The following NLGN1 variants were observed in gnomAD, a reference collection of about 807,000 sequenced individuals.
NLGN1 encodes neuroligin-1.
NLGN1 carries 12 observed loss-of-function variants against 65.5 expected under a neutral mutation model. That is an observed-to-expected ratio of 0.18 (90% CI 0.12 to 0.30). The LOEUF is 0.30. NLGN1 is among the 10% of genes least tolerant of loss of function. The probability of loss-of-function intolerance (pLI) is 1.00; values close to 1 mark genes in which losing one functional copy is unlikely to be tolerated. For missense variants in NLGN1, 750 were observed against 1,007.1 expected, an observed-to-expected ratio of 0.74 and a Z score of 3.46; for synonymous variants, 350 against 359.5, an observed-to-expected ratio of 0.97 and a Z score of 0.30.
chr3:173,712,107 A>G (rs555794736), intron 3 of NLGN1, among the ~76,000 whole-genome samples: 12 of 152,192 alleles, frequency 7.9e-5, no homozygotes, highest in Non-Finnish European at 1.5e-4. Context: ...ACATACTTCT[A>G]TGACTGCTTC....
At chr3:173,422,191 T>C (rs1715222407) in intron 1 of NLGN1, among the ~76,000 whole-genome samples, 1 of 151,850 alleles carries the variant, frequency 6.6e-6, no homozygotes, top group Non-Finnish European at 1.5e-5. Context: ...TATTCAGCTA[T>C]AAAAAGAAGG....
At chr3:174,051,172 C>T (rs1029305198) in intron 4 of NLGN1, among the ~76,000 whole-genome samples, 5 of 152,018 alleles carry the variant, frequency 3.3e-5, no homozygotes, top group African/African-American at 1.2e-4. Context: ...GATAAAGTAA[C>T]TGGGACTCAG....
chr3:174,115,848 ATGAAGATGT>A (rs1344324355), intron 4 of NLGN1, among the ~76,000 whole-genome samples: 1 of 152,212 alleles, frequency 6.6e-6, no homozygotes, highest in African/African-American at 2.4e-5. Context: ...TATTTGCTCA[ATGAAGATGT>A]TGAAGTACAT....
At chr3:173,922,451 C>T (rs537400612) in intron 4 of NLGN1, among the ~76,000 whole-genome samples, 2 of 152,088 alleles carry the variant, frequency 1.3e-5, no homozygotes, top group East Asian at 3.9e-4. Flanking sequence ...TCTCATCATG[C>T]ATCTGAACAT....
chr3:173,527,813 G>A (rs942413340), intron 2 of NLGN1, among the ~76,000 whole-genome samples: 5 of 152,130 alleles, frequency 3.3e-5, no homozygotes, highest in African/African-American at 9.7e-5. Flanking sequence ...GAATCTGTAG[G>A]TGTCTTTAGG....
At chr3:174,004,502 A>T (rs1369108499) in intron 4 of NLGN1, among the ~76,000 whole-genome samples, 5 of 152,080 alleles carry the variant, frequency 3.3e-5, no homozygotes, top group Admixed American at 3.3e-4. Flanking sequence ...AACTGACCCA[A>T]ATGGTCAAAC....
intron 3 of NLGN1, among the ~76,000 whole-genome samples, chr3:173,790,224 G>A (rs1712377825): frequency 6.6e-6 from 1 of 151,920 alleles, no homozygotes; most frequent in East Asian, 1.9e-4. Context: ...GTATCCCAGT[G>A]AAGCACTCCT....
At chr3:173,736,702 A>G (rs11921380) in intron 3 of NLGN1, among the ~76,000 whole-genome samples, 16,098 of 152,072 alleles carry the variant, frequency 0.11, 868 homozygotes, top group African/African-American at 0.15. Flanking sequence ...ACAAAATATT[A>G]AAGGTGCTAG....
chr3:173,692,354 T>G (rs1765597631), intron 3 of NLGN1, among the ~76,000 whole-genome samples: 1 of 152,130 alleles, frequency 6.6e-6, no homozygotes, highest in African/African-American at 2.4e-5. Flanking sequence ...AAGAAGTTTT[T>G]ATTCAATTAA....
intron 4 of NLGN1, among the ~76,000 whole-genome samples, chr3:173,865,417 G>A (rs1217802905): frequency 6.6e-6 from 1 of 151,992 alleles, no homozygotes; most frequent in African/African-American, 2.4e-5. Flanking sequence ...GTTCTTACAT[G>A]TACATAATAA....
chr3:173,877,829 T>C lies in NLGN1; in HGVS notation c.646+69997T>C, dbSNP rs538354831. Among the ~76,000 whole-genome samples, 5 of 152,302 alleles carry C rather than the reference T, an allele frequency of 3.3e-5. 1 individual carries two copies. In the East Asian group the frequency reaches 9.6e-4, roughly 29 times the overall value. On this transcript the variant is annotated intron_variant, in intron 4 of 6. Coordinates refer to ENST00000457714, the Ensembl canonical transcript of NLGN1. ...CTTTACATATATTGACTTATATAAT[T>C]TCTGCAATAGTAGCTGCCATTAACA... is the stretch of plus-strand genomic sequence containing the variant.
chr3:173,439,898 T>A (rs1718859995), intron 2 of NLGN1, among the ~76,000 whole-genome samples: 1 of 152,152 alleles, frequency 6.6e-6, no homozygotes, highest in South Asian at 2.1e-4. Context: ...CTTTTTCAAA[T>A]AAGACAGCAA....
intron 2 of NLGN1, among the ~76,000 whole-genome samples, chr3:173,452,077 G>A (rs539736484): frequency 2.6e-5 from 4 of 152,198 alleles, no homozygotes; most frequent in Non-Finnish European, 5.9e-5. Context: ...TGCACCCACT[G>A]TCTGGCTCTC....
chr3:173,785,100 A>G (rs1283552608), intron 3 of NLGN1, among the ~76,000 whole-genome samples: 1 of 152,232 alleles, frequency 6.6e-6, no homozygotes, highest in African/African-American at 2.4e-5. Context: ...TCTGACAACA[A>G]GAAGAATCAG....
At chr3:174,155,669 T>C (rs1242654882) in intron 4 of NLGN1, among the ~76,000 whole-genome samples, 2 of 151,876 alleles carry the variant, frequency 1.3e-5, no homozygotes, top group Non-Finnish European at 2.9e-5. Flanking sequence ...ATGCCTTATA[T>C]TGCAGAAGTA....
chr3:174,184,544 T>C (rs1386014337), intron 4 of NLGN1, among the ~76,000 whole-genome samples: 1 of 152,184 alleles, frequency 6.6e-6, no homozygotes, highest in East Asian at 1.9e-4. Context: ...AGGTTATAAG[T>C]TCAATATGTG....
rs116602354 is a variant in NLGN1 at position 173,849,248 on chromosome 3, T to C, written c.646+41416T>C. On this transcript the variant is annotated intron_variant, in intron 4 of 6. Coordinates refer to ENST00000457714, the Ensembl canonical transcript of NLGN1. Reference sequence around the variant, plus strand: ...TTACTCTCTGTATTACTCCATATAGTAGTAGTAGTAGATAGGTTTGCACCT... The same window carrying C: ...TTACTCTCTGTATTACTCCATATAGCAGTAGTAGTAGATAGGTTTGCACCT... Among the ~76,000 whole-genome samples the C allele has an allele frequency of 2.1e-3, 314 of 152,238 alleles. 2 individuals carry two copies. The highest frequency in any genetic ancestry group is 7.3e-3 in the African/African-American group (302 of 41,562).
At chr3:173,885,923 A>G (rs1322651072) in intron 4 of NLGN1, among the ~76,000 whole-genome samples, 2 of 152,132 alleles carry the variant, frequency 1.3e-5, no homozygotes, top group African/African-American at 2.4e-5. Flanking sequence ...AAACACAACT[A>G]TGTAACTCCT....
intron 2 of NLGN1, among the ~76,000 whole-genome samples, chr3:173,442,952 T>G (rs1342531823): frequency 6.6e-6 from 1 of 152,170 alleles, no homozygotes; most frequent in Non-Finnish European, 1.5e-5. Context: ...TATAATACTA[T>G]ACAACCAGTT....
Sources: allele counts gnomAD v4.1 joint callset (sites outside exome capture counted in the v4.1 genomes callset), GRCh38; gene constraint gnomAD v4.1.1; transcripts MANE v1.5; gene names NCBI Gene and HGNC (gene_info 2026-07-23, HGNC 2026-07-21).